GOLGA7B: variants seen among roughly 807,000 people sequenced by gnomAD.
GOLGA7B encodes the protein golgin A7 family member B, also known as golgin subfamily A member 7B.
In GOLGA7B, 17 loss-of-function variants were observed where a neutral mutation model predicts 21.5. The ratio of observed to expected loss-of-function variants is 0.79; its 90% CI spans 0.54 to 1.19. The LOEUF (loss-of-function observed/expected upper bound fraction) is 1.19. Ranked by LOEUF, GOLGA7B falls within the 50% of genes most tolerant of loss-of-function variation. GOLGA7B has a pLI of 0.00. For synonymous variants in GOLGA7B, 87 were observed against 84.0 expected (o/e 1.04, Z -0.19); for missense variants, 169 against 224.4 (o/e 0.75, Z 1.58).
chr10:97,865,576 A>C lies in GOLGA7B; in HGVS notation c.394-14A>C. 1 of 1,611,972 alleles carries C rather than the reference A, an allele frequency of 6.2e-7. No individual in the cohort carries two copies. The highest frequency in any genetic ancestry group is 8.5e-7 in the Non-Finnish European group (1 of 1,178,436). The stretch of plus-strand genomic sequence containing the variant: ...GCAGCTGGGCTCGCAGCTCTCCTTA[A>C]CCACCGACCCCAGATTGAGATCTCC... On this transcript the variant is annotated splice_polypyrimidine_tract_variant and intron_variant, in intron 4 of 4. Coordinates refer to ENST00000370602, the MANE Select transcript of GOLGA7B (RefSeq NM_001010917.3).
At chr10:97,865,422 G>T in intron 4 of GOLGA7B, 168 bp from the exon 5 acceptor site, 1 of 1,152,760 alleles carries the variant, frequency 8.7e-7, no homozygotes, top group East Asian at 2.6e-5. Context: ...TAAGTAATGT[G>T]CATGGATGGG....
In GOLGA7B at chr10:97,864,191, C is replaced by T. The variant is rs758273380; in HGVS notation, c.315C>T (p.Tyr105=). The T allele has an allele frequency of 1.2e-6, 2 of 1,614,206 alleles. No homozygotes were observed. Among genetic ancestry groups the T allele is most frequent in the Non-Finnish European group, 1.7e-6 (2 of 1,180,020 alleles). The change falls in exon 4 of 5, where the codon TAC becomes TAT. Residue 105 remains tyrosine (Y), a synonymous_variant. Transcript: ENST00000370602. ...AGGTTCTCAAGAAGATTTCCCGCTA[C>T]ATCCAGGAGCAGAATGAGAAGATCT... ...YEKVLKKISR[Y]IQEQNEKIFA...
intron 1 of GOLGA7B, among the ~76,000 whole-genome samples, chr10:97,854,997 A>G (rs1182390916): frequency 6.6e-6 from 1 of 152,206 alleles, no homozygotes; most frequent in Non-Finnish European, 1.5e-5. Context: ...AATCAAGCCT[A>G]CACATGGCAT....
At chr10:97,850,983 G>C (rs1023917066) in intron 1 of GOLGA7B, among the ~76,000 whole-genome samples, 1 of 151,918 alleles carries the variant, frequency 6.6e-6, no homozygotes, top group African/African-American at 2.4e-5. Flanking sequence ...GAACCACGGG[G>C]CCTGTTAGCT....
intron 1 of GOLGA7B, among the ~76,000 whole-genome samples, chr10:97,853,636 G>T (rs2049917847): frequency 1.3e-5 from 2 of 152,200 alleles, no homozygotes; most frequent in African/African-American, 4.8e-5. Context: ...GGAGAGAGGG[G>T]CAGGGTTGAG....
At chr10:97,855,270 G>GA (rs901698101) in intron 1 of GOLGA7B, among the ~76,000 whole-genome samples, 1 of 152,088 alleles carries the variant, frequency 6.6e-6, no homozygotes, top group Non-Finnish European at 1.5e-5. Context: ...GCTAAAAAAA[G>GA]AAAAAACAAT....
At position 97,870,703 on chromosome 10, in the gene GOLGA7B, T is replaced by C. The variant is rs1331909780; in HGVS notation, c.*5003T>C. 6.6e-6 allele frequency: 1 copy of C among 152,004 alleles called. No homozygotes were observed. Among genetic ancestry groups the C allele is most frequent in the East Asian group, 1.9e-4 (1 of 5,200 alleles). The allele number at this position is 152,004 out of a possible 1,614,324, so 9.4% of individuals were successfully genotyped here. A position where few individuals can be genotyped will look rare whatever the true frequency, so the allele number is the denominator to read the frequency against. On this transcript the variant is annotated 3_prime_UTR_variant, in exon 5 of 5. Transcript: ENST00000370602. ...TAAATATCTGGAAATGTAACACATA[T>C]GCCAAACAGACAACTGCAACTCTAT...
At chr10:97,856,982 T>G (rs2049938953) in intron 1 of GOLGA7B, among the ~76,000 whole-genome samples, 1 of 152,224 alleles carries the variant, frequency 6.6e-6, no homozygotes, top group African/African-American at 2.4e-5. Context: ...ATTAGTCTTC[T>G]GTCAAAGGCA....
At position 97,863,927 on chromosome 10, in the gene GOLGA7B, C is replaced by T. The variant is rs1464329858; in HGVS notation, c.139-3C>T. On this transcript the variant is annotated splice_polypyrimidine_tract_variant and splice_region_variant and intron_variant, in intron 2 of 4. Coordinates refer to ENST00000370602, the MANE Select transcript of GOLGA7B (RefSeq NM_001010917.3). ...CGCAGCCTGGCTCTGTCCCTTTCTCCAGATCGAGCGGCAGCTCTTTGAAGA... is the reference window on the plus strand; with the variant it reads ...CGCAGCCTGGCTCTGTCCCTTTCTCTAGATCGAGCGGCAGCTCTTTGAAGA... 3 of 1,609,570 alleles carry T rather than the reference C, an allele frequency of 1.9e-6. No individual in the cohort carries two copies. In the African/African-American group the frequency reaches 4.0e-5, roughly 21 times the overall value.
In GOLGA7B at chr10:97,871,468, G is replaced by A. The variant is rs2050092713; in HGVS notation, c.*5768G>A. The A allele has an allele frequency of 6.6e-6, 1 of 152,206 alleles. No individual in the cohort carries two copies. Among genetic ancestry groups the A allele is most frequent in the Non-Finnish European group, 1.5e-5 (1 of 68,042 alleles). The allele number at this position is 152,206 out of a possible 1,614,324, so 9.4% of individuals were successfully genotyped here. A position where few individuals can be genotyped will look rare whatever the true frequency, so the allele number is the denominator to read the frequency against. ...AAGTGATACTAGGACCTCGTTATACGATGGCCTCATGATGTAGATTTATAG... is the reference window on the plus strand; with the variant it reads ...AAGTGATACTAGGACCTCGTTATACAATGGCCTCATGATGTAGATTTATAG... On this transcript the variant is annotated 3_prime_UTR_variant, in exon 5 of 5. Transcript: ENST00000370602.
chr10:97,865,240 C>T (rs968380359), intron 4 of GOLGA7B: 2 of 288,426 alleles, frequency 6.9e-6, no homozygotes, highest in Non-Finnish European at 1.3e-5. Context: ...ACACTAAAGT[C>T]CTCATACTTC....
intron 3 of GOLGA7B, 27 bp from the exon 4 acceptor site, chr10:97,864,141 A>T (rs774745678): frequency 2.5e-6 from 4 of 1,614,034 alleles, no homozygotes; most frequent in East Asian, 2.2e-5. Context: ...TGGCATGCTC[A>T]TCCTTGTCTG....
intron 1 of GOLGA7B, among the ~76,000 whole-genome samples, chr10:97,857,299 C>T (rs534254007): frequency 2.7e-5 from 4 of 150,138 alleles, no homozygotes; most frequent in South Asian, 4.3e-4. Flanking sequence ...ACATGGTCAG[C>T]CAGTTTTCCC....
At chr10:97,850,379 TG>T in intron 1 of GOLGA7B, 64 bp downstream of exon 1, 1 of 1,299,156 alleles carries the variant, frequency 7.7e-7, no homozygotes, top group Non-Finnish European at 1.0e-6. Context: ...GCCCTAGGGG[TG>T]GGCTGGGCAG....
chr10:97,869,088 C>A lies in GOLGA7B; in HGVS notation c.*3388C>A, dbSNP rs1038249388. 2 of 152,258 alleles carry A rather than the reference C, an allele frequency of 1.3e-5. No homozygotes were observed. Among genetic ancestry groups the A allele is most frequent in the Admixed American group, 6.5e-5 (1 of 15,288 alleles). 9.4% of individuals were successfully genotyped at this position (152,258 alleles called of 1,614,324 possible). ...CCAAACTGCAAGGAAGAAGACAGAT[C>A]CAGCCTCAGAGGCCGCTTAACAGCT... On this transcript the variant is annotated 3_prime_UTR_variant, in exon 5 of 5. Coordinates refer to ENST00000370602, the MANE Select transcript of GOLGA7B (RefSeq NM_001010917.3).
intron 1 of GOLGA7B, among the ~76,000 whole-genome samples, chr10:97,851,485 C>G (rs2049905503): frequency 6.6e-6 from 1 of 152,198 alleles, no homozygotes. Flanking sequence ...GGAGAGTTGC[C>G]CCTCAGGACT....
chr10:97,859,659 C>T (rs2136515932), intron 2 of GOLGA7B, 76 bp downstream of exon 2: 1 of 1,509,442 alleles, frequency 6.6e-7, no homozygotes, highest in East Asian at 2.3e-5. Flanking sequence ...GTATTTTATC[C>T]AGGATCCTAT....
chr10:97,865,342 C>T (rs2050006911), intron 4 of GOLGA7B: 2 of 522,498 alleles, frequency 3.8e-6, no homozygotes, highest in Admixed American at 3.6e-5. Flanking sequence ...GGGCAGCGAC[C>T]CTGTCTGCTG....
At chr10:97,858,326 A>G (rs115183691) in intron 1 of GOLGA7B, among the ~76,000 whole-genome samples, 1,738 of 152,284 alleles carry the variant, frequency 0.011, 49 homozygotes, top group African/African-American at 0.039. Flanking sequence ...CAGCACCCCC[A>G]GAGCTTGGCA....
Sources: allele counts gnomAD v4.1 joint callset (sites outside exome capture counted in the v4.1 genomes callset), GRCh38; gene constraint gnomAD v4.1.1; transcripts MANE v1.5; gene names NCBI Gene and HGNC (gene_info 2026-07-23, HGNC 2026-07-21).